Variants in XRCC6 observed in about 807,000 individuals in gnomAD.
XRCC6 encodes the protein DNA repair protein Ku70.
A neutral mutation model predicts 65.7 loss-of-function variants in XRCC6; 5 were observed. The ratio of observed to expected loss-of-function variants is 0.08; its 90% CI spans 0.04 to 0.16. XRCC6 has a LOEUF of 0.16. Among genes scored for constraint, XRCC6 ranks in the 10% least tolerant of loss-of-function variants. The pLI is 1.00. For missense variants in XRCC6, 447 were observed against 738.1 expected (o/e 0.61, Z 4.57); for synonymous variants, 270 against 270.6 (o/e 1.00, Z 0.02).
intron 6 of XRCC6, among the ~76,000 whole-genome samples, chr22:41,638,145 A>T (rs1361203809): frequency 1.3e-5 from 2 of 152,136 alleles, no homozygotes; most frequent in Non-Finnish European, 2.9e-5. Context: ...CTCTGGCAAG[A>T]GCTGGCATGA....
intron 3 of XRCC6, among the ~76,000 whole-genome samples, chr22:41,629,658 A>T (rs1180957656): frequency 6.6e-6 from 1 of 151,932 alleles, no homozygotes; most frequent in African/African-American, 2.4e-5. Context: ...GTGTGTATTT[A>T]TTTATTTATT....
chr22:41,642,392 TC>T (rs1272807048), intron 6 of XRCC6, among the ~76,000 whole-genome samples: 17 of 152,190 alleles, frequency 1.1e-4, no homozygotes, highest in Admixed American at 4.6e-4. Context: ...ATGGATAGTT[TC>T]CAGATATTTT....
At chr22:41,650,946 G>T (rs2067988715) in intron 8 of XRCC6, 55 bp downstream of exon 8, 1 of 1,598,986 alleles carries the variant, frequency 6.3e-7, no homozygotes, top group African/African-American at 1.3e-5. Context: ...AGTTTACGGA[G>T]CAGCGCTTTG....
intron 2 of XRCC6, among the ~76,000 whole-genome samples, chr22:41,625,288 C>T (rs1178899409): frequency 6.6e-6 from 1 of 152,264 alleles, no homozygotes; most frequent in African/African-American, 2.4e-5. Context: ...GTTCTTGACA[C>T]ACATTGCCAT....
rs776401056 is a variant in XRCC6 at position 41,636,738 on chromosome 22, C to T, written c.557C>T (p.Ala186Val). The change falls in exon 5 of 13, where the codon GCC (alanine) becomes GTC (valine). Residue 186 changes from alanine to valine, a missense_variant. Physicochemically the swap from Ala to Val is moderately conservative, Grantham distance 64. Coordinates refer to ENST00000360079, the MANE Select transcript of XRCC6 (RefSeq NM_001469.5). ...AATGACAGTGCCAAAGCCAGCCGGG[C>T]CAGGACCAAAGCCGGTGATCTCCGA... is the stretch of plus-strand genomic sequence containing the variant. ...HGNDSAKASR[A>V]RTKAGDLRDT... is the part of the protein sequence containing the mutation. 4 of 1,614,158 alleles carry T rather than the reference C, an allele frequency of 2.5e-6. No individual in the cohort carries two copies. The highest frequency in any genetic ancestry group is 1.1e-5 in the South Asian group (1 of 91,070).
intron 6 of XRCC6, among the ~76,000 whole-genome samples, chr22:41,641,799 C>T (rs73161323): frequency 0.019 from 2,947 of 152,204 alleles, 57 homozygotes; most frequent in Non-Finnish European, 0.03. Flanking sequence ...GACAGGATCT[C>T]CTTTTTTTTT....
intron 8 of XRCC6, 60 bp downstream of exon 8, chr22:41,650,951 G>A (rs544895885): frequency 6.3e-6 from 10 of 1,594,540 alleles, no homozygotes; most frequent in African/African-American, 1.3e-5. Flanking sequence ...ACGGAGCAGC[G>A]CTTTGTAAAT....
At position 41,663,910 on chromosome 22, in the gene XRCC6, A is replaced by G; in HGVS notation, c.*95A>G. 1.5e-6 allele frequency: 2 copies of G among 1,355,434 alleles called. No homozygotes were observed. The highest frequency in any genetic ancestry group is 2.0e-6 in the Non-Finnish European group (2 of 991,082). 84.0% of individuals were successfully genotyped at this position (1,355,434 alleles called of 1,614,324 possible). The stretch of plus-strand genomic sequence containing the variant: ...AAAATGTGTTTCTCCTGAGCTAGGA[A>G]GAGTCTACCCGACATAAGTCGAGGG... On this transcript the variant is annotated 3_prime_UTR_variant, in exon 13 of 13. Transcript: ENST00000360079.
intron 6 of XRCC6, among the ~76,000 whole-genome samples, chr22:41,638,668 C>T (rs987472754): frequency 1.3e-5 from 2 of 150,956 alleles, no homozygotes; most frequent in Admixed American, 1.3e-4. Flanking sequence ...GCCTGTAGTC[C>T]CAGCTACTCA....
chr22:41,649,857 A>T (rs1363285862), intron 7 of XRCC6, among the ~76,000 whole-genome samples: 1 of 151,090 alleles, frequency 6.6e-6, no homozygotes, highest in Non-Finnish European at 1.5e-5. Context: ...AAATAATAAT[A>T]AATAAATAAA....
chr22:41,652,272 A>G (rs1056008227), intron 8 of XRCC6, among the ~76,000 whole-genome samples: 1 of 152,018 alleles, frequency 6.6e-6, no homozygotes, highest in African/African-American at 2.4e-5. Flanking sequence ...TGGCTCATGA[A>G]CACCCCAGAT....
At chr22:41,648,952 G>A (rs924053579) in intron 7 of XRCC6, among the ~76,000 whole-genome samples, 2 of 150,244 alleles carry the variant, frequency 1.3e-5, no homozygotes, top group Admixed American at 6.7e-5. Flanking sequence ...CACATATCCA[G>A]GATAAAATAC....
rs553806016 is a variant in XRCC6, at chr22:41,661,146, T to C, written c.1523-185T>C. On this transcript the variant is annotated intron_variant, in intron 11 of 12. Transcript: ENST00000360079. Reference sequence around the variant, plus strand: ...TTTACAACAGTGCCTGGCGGTAGTATGTGTAATTACAGTAAATGCAGGTGT... The same window carrying C: ...TTTACAACAGTGCCTGGCGGTAGTACGTGTAATTACAGTAAATGCAGGTGT... 1.7e-4 allele frequency among the ~76,000 whole-genome samples: 26 copies of C among 152,276 alleles called. 3 individuals carry two copies. In the South Asian group the frequency reaches 5.0e-3, roughly 29 times the overall value.
chr22:41,650,197 T>TGGGCTCAAGCGATCCTCC (rs1345447113), intron 7 of XRCC6, among the ~76,000 whole-genome samples: 2 of 152,012 alleles, frequency 1.3e-5, no homozygotes, highest in African/African-American at 2.4e-5. Context: ...CTCGAACTCC[T>TGGGCTCAAGCGATCCTCC]GGGCTCAAGC....
chr22:41,657,943 C>T (rs550827313), intron 10 of XRCC6, among the ~76,000 whole-genome samples: 2 of 151,892 alleles, frequency 1.3e-5, no homozygotes, highest in South Asian at 4.2e-4. Flanking sequence ...CCTGCCTATG[C>T]CTCCTGAGTA....
intron 2 of XRCC6, among the ~76,000 whole-genome samples, chr22:41,624,726 G>A (rs566224994): frequency 3.3e-5 from 5 of 150,870 alleles, no homozygotes; most frequent in African/African-American, 4.9e-5. Flanking sequence ...GGCCGGGCGC[G>A]GTGGCTCACA....
chr22:41,640,308 C>T (rs559160464), intron 6 of XRCC6, among the ~76,000 whole-genome samples: 4 of 152,162 alleles, frequency 2.6e-5, no homozygotes, highest in African/African-American at 7.2e-5. Flanking sequence ...GCCACCACGC[C>T]GAGCTGATTT....
chr22:41,658,053 G>A (rs772341152), intron 10 of XRCC6, among the ~76,000 whole-genome samples, 199 bp from the exon 11 acceptor site: 8 of 152,048 alleles, frequency 5.3e-5, no homozygotes, highest in African/African-American at 1.7e-4. Context: ...TGAACTGCTA[G>A]ACTCAAGCAT....
chr22:41,656,215 CAAA>C (rs132783), intron 9 of XRCC6, among the ~76,000 whole-genome samples: 5 of 127,174 alleles, frequency 3.9e-5, no homozygotes, highest in Admixed American at 2.5e-4. Context: ...GATCCTGTCT[CAAA>C]AAAAAAAAAA....
Sources: allele counts gnomAD v4.1 joint callset (sites outside exome capture counted in the v4.1 genomes callset), GRCh38; gene constraint gnomAD v4.1.1; transcripts MANE v1.5; gene names NCBI Gene and HGNC (gene_info 2026-07-23, HGNC 2026-07-21).